The following PYHIN1 variants were observed in gnomAD, a reference collection of about 807,000 sequenced individuals.
The protein encoded by PYHIN1 is pyrin and HIN domain-containing protein 1.
A neutral mutation model predicts 43.7 loss-of-function variants in PYHIN1; 32 were observed. That is an observed-to-expected ratio of 0.73 (90% CI 0.55 to 0.98). The LOEUF (loss-of-function observed/expected upper bound fraction) is 0.98. Ranked by LOEUF, PYHIN1 falls within the 50% of genes least tolerant of loss-of-function variation. The pLI, the probability that PYHIN1 is intolerant of heterozygous loss-of-function variation, is 0.00. For synonymous variants in PYHIN1, 205 were observed against 203.1 expected, an observed-to-expected ratio of 1.01 and a Z score of -0.08; for missense variants, 588 against 589.5, an observed-to-expected ratio of 1.00 and a Z score of 0.03.
chr1:158,939,430 C>T, intron 4 of PYHIN1, 183 bp downstream of exon 4: 3 of 1,554,014 alleles, frequency 1.9e-6, no homozygotes, highest in Non-Finnish European at 2.6e-6. Context: ...GACATTATCT[C>T]TGACTGCAGG....
intron 7 of PYHIN1, among the ~76,000 whole-genome samples, chr1:158,972,977 A>G (rs1359699805): frequency 4.6e-5 from 7 of 152,130 alleles, no homozygotes; most frequent in Admixed American, 3.3e-4. Context: ...ATGAAATCCT[A>G]TTCCATGCTG....
At chr1:158,957,835 A>C (rs1361232188) in intron 7 of PYHIN1, among the ~76,000 whole-genome samples, 3 of 149,086 alleles carry the variant, frequency 2.0e-5, no homozygotes, top group Non-Finnish European at 4.5e-5. Flanking sequence ...AAAATGGGAG[A>C]AAATTTTCAC....
chr1:158,933,226 A>G lies in PYHIN1; in HGVS notation c.-21+1450A>G, dbSNP rs2101635221. Among the ~76,000 whole-genome samples, 1 of 151,808 alleles carries G rather than the reference A, an allele frequency of 6.6e-6. No homozygotes were observed. Among genetic ancestry groups the G allele is most frequent in the South Asian group, 2.1e-4 (1 of 4,824 alleles). On this transcript the variant is annotated intron_variant, in intron 1 of 8. Coordinates refer to ENST00000368140, the MANE Select transcript of PYHIN1 (RefSeq NM_152501.5). This position sits in a 1 kb window ranked among gnomAD's most constrained non-coding sequence, Gnocchi z 6.3. ...CATACATGTTTCCAAACATAAACAT[A>G]CACATATAAATATATATATTTGTGG...
Position 158,942,213 on chromosome 1 carries a change from A to G in PYHIN1, c.816A>G (p.Ser272=), listed in dbSNP as rs1207408899. ...KFIKKRIIII[S]NYSKRNSLLE... ...TTAAAAAGAGAATCATCATTATATC[A>G]AATTATTCCAAACGTAATAGTCTCC... The change falls in exon 5 of 9, where the codon TCA becomes TCG. Residue 272 remains serine, a synonymous_variant. Transcript: ENST00000368140. The G allele has an allele frequency of 3.5e-5, 57 of 1,613,914 alleles. No homozygotes were observed. Among genetic ancestry groups the G allele is most frequent in the Non-Finnish European group, 4.7e-5 (56 of 1,179,952 alleles).
At chr1:158,937,366 G>T in intron 2 of PYHIN1, among the ~76,000 whole-genome samples, 191 bp downstream of exon 2, 1 of 152,294 alleles carries the variant, frequency 6.6e-6, no homozygotes, top group Middle Eastern at 3.4e-3. Context: ...GTGGATTGAC[G>T]TATATCGGAG....
intron 7 of PYHIN1, among the ~76,000 whole-genome samples, chr1:158,952,900 C>T (rs1377289008): frequency 6.6e-6 from 1 of 152,182 alleles, no homozygotes; most frequent in Non-Finnish European, 1.5e-5. Context: ...GGTGCACGCA[C>T]CATGCGCGAG....
At position 158,936,884 on chromosome 1, in the gene PYHIN1, C is replaced by T. The variant is rs1489875048; in HGVS notation, c.-20-7C>T. On this transcript the variant is annotated splice_polypyrimidine_tract_variant and splice_region_variant and intron_variant, in intron 1 of 8. Coordinates refer to ENST00000368140, the MANE Select transcript of PYHIN1 (RefSeq NM_152501.5). ...GTGTAACACTATATACCATTTTTCT[C>T]TTGCAGGCTCACTTATATCTTTAGA... 6 of 1,531,760 alleles carry T rather than the reference C, an allele frequency of 3.9e-6. No individual in the cohort carries two copies. Among genetic ancestry groups the T allele is most frequent in the Admixed American group, 2.1e-5 (1 of 46,970 alleles). 94.9% of individuals were successfully genotyped at this position (1,531,760 alleles called of 1,614,324 possible).
the PYHIN1 span, among the ~76,000 whole-genome samples, chr1:158,984,384 G>A: frequency 2.4e-4 from 36 of 151,924 alleles, no homozygotes; most frequent in Non-Finnish European, 4.7e-4. Flanking sequence ...CTTGATTTCT[G>A]CATTAATTTA....
chr1:158,990,159 A>G, the PYHIN1 span, among the ~76,000 whole-genome samples: 2 of 149,464 alleles, frequency 1.3e-5, no homozygotes, highest in Non-Finnish European at 2.9e-5. Flanking sequence ...ACAGAAGAGG[A>G]TAAGAGAAAT....
At chr1:158,947,557 T>C (rs760207047) in intron 7 of PYHIN1, among the ~76,000 whole-genome samples, 4 of 152,152 alleles carry the variant, frequency 2.6e-5, no homozygotes, top group Non-Finnish European at 4.4e-5. Context: ...CTGGTACCTG[T>C]GGGGGTTTGT....
chr1:158,939,603 T>G (rs1648790437), intron 4 of PYHIN1: 2 of 1,336,910 alleles, frequency 1.5e-6, no homozygotes, highest in Admixed American at 4.0e-5. Flanking sequence ...TCCTTTTTCC[T>G]TTAGGATTTT....
chr1:158,981,724 T>C (rs1381837668), downstream of PYHIN1, among the ~76,000 whole-genome samples: 1 of 152,150 alleles, frequency 6.6e-6, no homozygotes, highest in African/African-American at 2.4e-5. Flanking sequence ...CCTTTCACCA[T>C]ATAAAAAAAT....
intron 7 of PYHIN1, among the ~76,000 whole-genome samples, chr1:158,954,260 G>A: frequency 2.2e-5 from 1 of 45,322 alleles, no homozygotes; most frequent in Non-Finnish European, 4.7e-5. Flanking sequence ...ACGCCACAAA[G>A]ATACTCCTCG....
At chr1:158,949,971 T>C (rs1274429723) in intron 7 of PYHIN1, among the ~76,000 whole-genome samples, 1 of 152,222 alleles carries the variant, frequency 6.6e-6, no homozygotes, top group Non-Finnish European at 1.5e-5. Context: ...AGAACCTTTA[T>C]AACTTACACA....
intron 7 of PYHIN1, among the ~76,000 whole-genome samples, chr1:158,947,395 T>C (rs1216567024): frequency 6.6e-6 from 1 of 152,222 alleles, no homozygotes; most frequent in Admixed American, 6.5e-5. Flanking sequence ...ACTTTGTTTA[T>C]GGCCATACCT....
intron 7 of PYHIN1, among the ~76,000 whole-genome samples, chr1:158,960,399 C>T (rs1472950223): frequency 6.6e-6 from 1 of 152,228 alleles, no homozygotes; most frequent in African/African-American, 2.4e-5. Context: ...ATCTTAATCA[C>T]AACCCTTGCT....
intron 8 of PYHIN1, among the ~76,000 whole-genome samples, chr1:158,974,110 C>T (rs1571789555): frequency 6.6e-6 from 1 of 152,066 alleles, no homozygotes. Flanking sequence ...CAATTTTCCA[C>T]TACGACTAAT....
intron 7 of PYHIN1, among the ~76,000 whole-genome samples, chr1:158,962,290 C>A (rs953323972): frequency 5.9e-5 from 9 of 152,140 alleles, no homozygotes; most frequent in Admixed American, 1.3e-4. Flanking sequence ...CATCTCTATA[C>A]TTCCCTGGGA....
chr1:158,935,773 A>T lies in PYHIN1; in HGVS notation c.-20-1118A>T, dbSNP rs527763224. ...CAGTCATAGTGGTGGGTGTGGGAAG[A>T]TTTAAGAAACAACAGGCAGGTTTTG... On this transcript the variant is annotated intron_variant, in intron 1 of 8. Coordinates refer to ENST00000368140, the MANE Select transcript of PYHIN1 (RefSeq NM_152501.5). 2.0e-3 allele frequency among the ~76,000 whole-genome samples: 310 copies of T among 152,278 alleles called. 1 individual carries two copies. The highest frequency in any genetic ancestry group is 3.0e-3 in the Non-Finnish European group (207 of 68,012).
Sources: gnomAD v4.1 joint callset for allele counts (sites outside exome capture counted in the v4.1 genomes callset) on GRCh38, gnomAD v4.1.1 for gene constraint, Gnocchi (gnomAD v3.1) non-coding constraint, MANE v1.5 for transcripts, NCBI Gene and HGNC (gene_info 2026-07-23, HGNC 2026-07-21) for gene names.